PAX3: variants seen among roughly 807,000 people sequenced by gnomAD.
The protein encoded by PAX3 is paired box protein Pax-3.
PAX3 carries 14 observed loss-of-function variants against 51.6 expected under a neutral mutation model. That is an observed-to-expected ratio of 0.27 (90% CI 0.18 to 0.42). The LOEUF is 0.42. PAX3 is among the 10% of genes least tolerant of loss of function. The pLI is 1.00. For synonymous variants in PAX3, 280 were observed against 253.4 expected (o/e 1.11, Z -1.00); for missense variants, 540 against 642.8 (o/e 0.84, Z 1.73).
intron 7 of PAX3, 41 bp from the exon 8 acceptor site, chr2:222,202,231 G>C: frequency 7.1e-7 from 1 of 1,398,956 alleles, no homozygotes; most frequent in Non-Finnish European, 9.9e-7. Context: ...AAAATGCAGA[G>C]AGATCCAGAT....
intron 4 of PAX3, among the ~76,000 whole-genome samples, chr2:222,246,170 C>T (rs1693221711): frequency 6.6e-6 from 1 of 152,178 alleles, no homozygotes; most frequent in Non-Finnish European, 1.5e-5. Context: ...GGCTGAGGAT[C>T]TGACAATGTG....
intron 5 of PAX3, among the ~76,000 whole-genome samples, chr2:222,222,852 T>C (rs1692250113): frequency 6.6e-6 from 1 of 152,102 alleles, no homozygotes; most frequent in Non-Finnish European, 1.5e-5. Flanking sequence ...AACTTCACAT[T>C]TGGAAGCACA....
intron 4 of PAX3, among the ~76,000 whole-genome samples, chr2:222,249,842 A>C (rs76695514): frequency 2.5e-3 from 381 of 152,236 alleles, no homozygotes; most frequent in African/African-American, 8.9e-3. Context: ...CCTAAATAAC[A>C]GTAACGACAG....
chr2:222,276,659 C>T (rs1375108883), intron 4 of PAX3, among the ~76,000 whole-genome samples: 1 of 152,194 alleles, frequency 6.6e-6, no homozygotes, highest in Non-Finnish European at 1.5e-5. Flanking sequence ...GGAAAGCAAC[C>T]AGGTCCCAGT....
At chr2:222,275,890 T>A (rs1694402719) in intron 4 of PAX3, among the ~76,000 whole-genome samples, 7 of 152,212 alleles carry the variant, frequency 4.6e-5, no homozygotes, top group Admixed American at 4.6e-4. Context: ...AGTGTATATG[T>A]GTGTGTTTTA....
chr2:222,291,868 T>C (rs7600206), intron 4 of PAX3, among the ~76,000 whole-genome samples: 28,518 of 152,072 alleles, frequency 0.19, 3,130 homozygotes, highest in South Asian at 0.4. Flanking sequence ...TGGGCCCCTC[T>C]TGTCCTCCGA....
intron 7 of PAX3, among the ~76,000 whole-genome samples, chr2:222,202,443 A>G (rs1691334895): frequency 6.6e-6 from 1 of 152,044 alleles, no homozygotes; most frequent in Admixed American, 6.6e-5. Context: ...GAGGAAAAGA[A>G]GGAAGGAGAA....
intron 4 of PAX3, among the ~76,000 whole-genome samples, chr2:222,284,426 A>G (rs575447083): frequency 6.6e-6 from 1 of 152,376 alleles, no homozygotes; most frequent in Admixed American, 6.5e-5. Flanking sequence ...TAAAAGAGAA[A>G]AGTAACCTTT....
At chr2:222,242,512 G>T (rs34605384) in intron 4 of PAX3, 4 of 152,042 alleles carry the variant, frequency 2.6e-5, no homozygotes, top group Non-Finnish European at 5.9e-5. Flanking sequence ...ATGAGGTCTA[G>T]AGTGATGTTA....
chr2:222,293,576 G>A, intron 4 of PAX3: 1 of 1,560,132 alleles, frequency 6.4e-7, no homozygotes, highest in Non-Finnish European at 8.8e-7. Context: ...TCAATTCCCA[G>A]GCACACACAG....
At chr2:222,271,991 A>G (rs1694267405) in intron 4 of PAX3, among the ~76,000 whole-genome samples, 1 of 151,940 alleles carries the variant, frequency 6.6e-6, no homozygotes, top group Non-Finnish European at 1.5e-5. Flanking sequence ...TGCCTGCTGG[A>G]CCTCTCTCCT....
intron 4 of PAX3, among the ~76,000 whole-genome samples, chr2:222,288,068 G>A (rs1008685217): frequency 2.6e-5 from 4 of 152,160 alleles, no homozygotes; most frequent in East Asian, 1.9e-4. Flanking sequence ...CAAAAGATTC[G>A]TTTGCAGGAT....
intron 1 of PAX3, chr2:222,298,281 G>C: frequency 1.8e-6 from 1 of 546,838 alleles, no homozygotes; most frequent in South Asian, 2.4e-5. Context: ...AAAACAACAG[G>C]GACAAGTCTC....
intron 5 of PAX3, among the ~76,000 whole-genome samples, chr2:222,223,313 G>C (rs1376806372): frequency 2.0e-5 from 3 of 152,196 alleles, no homozygotes; most frequent in Admixed American, 2.0e-4. Context: ...GGAAAACGAG[G>C]TAAGTTAATA....
At chr2:222,259,458 G>A (rs986318738) in intron 4 of PAX3, among the ~76,000 whole-genome samples, 5 of 152,140 alleles carry the variant, frequency 3.3e-5, no homozygotes, top group African/African-American at 1.2e-4. Context: ...CAAATATAAA[G>A]ACTAGGCATA....
chr2:222,214,413 T>C (rs1019276932), intron 7 of PAX3: 2 of 152,220 alleles, frequency 1.3e-5, no homozygotes, highest in African/African-American at 4.8e-5. Context: ...TCAATTTTAA[T>C]ATTATTCTTT....
chr2:222,255,821 G>A (rs1476920561), intron 4 of PAX3, among the ~76,000 whole-genome samples: 2 of 138,906 alleles, frequency 1.4e-5, no homozygotes, highest in African/African-American at 2.7e-5. Flanking sequence ...TCACTCTGTC[G>A]CCCAGGCTGG....
At chr2:222,211,127 G>A (rs1481862440) in intron 7 of PAX3, among the ~76,000 whole-genome samples, 1 of 152,104 alleles carries the variant, frequency 6.6e-6, no homozygotes, top group Non-Finnish European at 1.5e-5. Context: ...GCCTGCCAAA[G>A]TCCTGAGATT....
intron 4 of PAX3, among the ~76,000 whole-genome samples, chr2:222,238,038 G>T (rs1367409): frequency 0.44 from 66,644 of 151,994 alleles, 15,056 homozygotes; most frequent in Admixed American, 0.48. Flanking sequence ...GAGCCAAATT[G>T]TTAGTTATCC....
Sources: gnomAD v4.1 joint callset for allele counts (sites outside exome capture counted in the v4.1 genomes callset) on GRCh38, gnomAD v4.1.1 for gene constraint, MANE v1.5 for transcripts, NCBI Gene and HGNC (gene_info 2026-07-23, HGNC 2026-07-21) for gene names.